The following OR2V2 variants were observed in gnomAD, a reference collection of about 807,000 sequenced individuals.
OR2V2 encodes olfactory receptor 2V2.
For synonymous variants in OR2V2, 161 were observed against 151.3 expected (o/e 1.06, Z -0.47); for missense variants, 392 against 392.2 (o/e 1.00, Z 0.00).
Position 181,156,326 on chromosome 5 carries a change from C to T in OR2V2, c.*436C>T, listed in dbSNP as rs1015668822. 2 of 158,528 alleles carry T rather than the reference C, an allele frequency of 1.3e-5. No homozygotes were observed. Among genetic ancestry groups the T allele is most frequent in the African/African-American group, 4.8e-5 (2 of 41,510 alleles). The allele number at this position is 158,528 out of a possible 1,614,324, so 9.8% of individuals were successfully genotyped here. On this transcript the variant is annotated 3_prime_UTR_variant, in exon 2 of 2. Coordinates refer to ENST00000641492, the MANE Select transcript of OR2V2 (RefSeq NM_206880.2). Reference sequence around the variant, plus strand: ...AGAGACAATGTTTTACTATGTTGCCCAGGCTGGTCTCGAACTCCTGGACTC... The same window carrying T: ...AGAGACAATGTTTTACTATGTTGCCTAGGCTGGTCTCGAACTCCTGGACTC...
At chr5:181,154,273 A>C (rs528825068) in intron 1 of OR2V2, among the ~76,000 whole-genome samples, 1 of 152,162 alleles carries the variant, frequency 6.6e-6, no homozygotes, top group Non-Finnish European at 1.5e-5. Flanking sequence ...ATTGTTTCCC[A>C]AGTCCATGTG....
intron 1 of OR2V2, among the ~76,000 whole-genome samples, chr5:181,154,493 G>A (rs1763230804): frequency 6.6e-6 from 1 of 152,074 alleles, no homozygotes; most frequent in Admixed American, 6.5e-5. Flanking sequence ...GGGAGGCTGA[G>A]GCAGGAGAAT....
intron 1 of OR2V2, among the ~76,000 whole-genome samples, chr5:181,153,608 G>A (rs1763219789): frequency 6.6e-6 from 1 of 151,744 alleles, no homozygotes; most frequent in African/African-American, 2.4e-5. Context: ...ATCCCAGGAG[G>A]CGGAGGTTGC....
intron 1 of OR2V2, among the ~76,000 whole-genome samples, chr5:181,151,178 T>G (rs1763186939): frequency 6.6e-6 from 1 of 151,982 alleles, no homozygotes; most frequent in African/African-American, 2.4e-5. Context: ...GGAAAGGCCC[T>G]AAGGTCAGAT....
rs1246917130 is a variant in OR2V2 at position 181,159,225 on chromosome 5, C to G, written c.*3335C>G. On this transcript the variant is annotated 3_prime_UTR_variant, in exon 2 of 2. Coordinates refer to ENST00000641492, the MANE Select transcript of OR2V2 (RefSeq NM_206880.2). ...GACCAGCCTGGGCAACATAGCGAAA[C>G]CCCATCTCTAGAACAATTAAAAATA... 6.6e-6 allele frequency: 1 copy of G among 152,228 alleles called. No individual in the cohort carries two copies. Among genetic ancestry groups the G allele is most frequent in the Non-Finnish European group, 1.5e-5 (1 of 68,062 alleles). 9.4% of individuals were successfully genotyped at this position (152,228 alleles called of 1,614,324 possible).
In OR2V2 at chr5:181,155,881, C is replaced by T; in HGVS notation, c.939C>T (p.Ser313=). ...GGCTGGACCGCTGCAGGATCGGCAG[C>T]CAGCACTGAACCCAGGGCATCCAGT... The part of the protein sequence containing the change: ...RKGLDRCRIG[S]QH Residue 313 remains serine, a synonymous_variant, in exon 2 of 2, where the codon AGC becomes AGT. Transcript: ENST00000641492. The T allele has an allele frequency of 6.2e-7, 1 of 1,612,246 alleles. No individual in the cohort carries two copies. The highest frequency in any genetic ancestry group is 8.5e-7 in the Non-Finnish European group (1 of 1,178,550).
rs748789897 is a variant in OR2V2 at position 181,156,042 on chromosome 5, CTT to C, written c.*154_*155del. ...GGTCTTTTTAAACACTACATCAGTT[CTT>C]TCTTTCTTTCTTTCTTTCTTTCTTT... On this transcript the variant is annotated 3_prime_UTR_variant, in exon 2 of 2. Coordinates refer to ENST00000641492, the MANE Select transcript of OR2V2 (RefSeq NM_206880.2). The C allele has an allele frequency of 2.7e-4, 126 of 468,814 alleles. No homozygotes were observed. Among genetic ancestry groups the C allele is most frequent in the Middle Eastern group, 3.4e-4 (1 of 2,934 alleles). The allele number at this position is 468,814 out of a possible 1,614,324, so 29.0% of individuals were successfully genotyped here.
intron 1 of OR2V2, among the ~76,000 whole-genome samples, chr5:181,150,143 T>C (rs1763175783): frequency 6.6e-6 from 1 of 152,194 alleles, no homozygotes; most frequent in African/African-American, 2.4e-5. Context: ...ACGTAGGTGT[T>C]GTTGCTGGCA....
At chr5:181,154,121 A>AT (rs920466132) in intron 1 of OR2V2, among the ~76,000 whole-genome samples, 1 of 152,214 alleles carries the variant, frequency 6.6e-6, no homozygotes, top group African/African-American at 2.4e-5. Context: ...TAGTCTGAAC[A>AT]TAATAGAGTG....
chr5:181,155,957 T>G lies in OR2V2; in HGVS notation c.*67T>G. 2 of 1,410,886 alleles carry G rather than the reference T, an allele frequency of 1.4e-6. No individual in the cohort carries two copies. The highest frequency in any genetic ancestry group is 1.9e-6 in the Non-Finnish European group (2 of 1,040,244). The allele number at this position is 1,410,886 out of a possible 1,614,324, so 87.4% of individuals were successfully genotyped here. On this transcript the variant is annotated 3_prime_UTR_variant, in exon 2 of 2. Coordinates refer to ENST00000641492, the MANE Select transcript of OR2V2 (RefSeq NM_206880.2). ...CAGGGATGTCGGGTTAATAATTCTC[T>G]CATTTTCAGTCTTGGTTTCCTCGTG...
At chr5:181,153,502 G>A (rs1763218489) in intron 1 of OR2V2, among the ~76,000 whole-genome samples, 1 of 152,008 alleles carries the variant, frequency 6.6e-6, no homozygotes, top group Admixed American at 6.6e-5. Flanking sequence ...GCTCGGGCAA[G>A]ATGGCAACAC....
chr5:181,152,402 G>T (rs1295978039), intron 1 of OR2V2, among the ~76,000 whole-genome samples: 1 of 152,076 alleles, frequency 6.6e-6, no homozygotes, highest in Non-Finnish European at 1.5e-5. Context: ...CTGACTCTTG[G>T]CTCACCAAAC....
At position 181,155,887 on chromosome 5, in the gene OR2V2, C is replaced by T; in HGVS notation, c.945C>T (p.His315=). ...ACCGCTGCAGGATCGGCAGCCAGCA[C>T]TGAACCCAGGGCATCCAGTGCCTGG... ...GLDRCRIGSQ[H] is the part of the protein sequence containing the mutation. Residue 315 remains histidine, a synonymous_variant, in exon 2 of 2, where the codon CAC becomes CAT. Coordinates refer to ENST00000641492, the MANE Select transcript of OR2V2 (RefSeq NM_206880.2). 6.2e-7 allele frequency: 1 copy of T among 1,610,248 alleles called. No homozygotes were observed. The highest frequency in any genetic ancestry group is 1.7e-4 in the Middle Eastern group (1 of 6,050).
intron 1 of OR2V2, among the ~76,000 whole-genome samples, chr5:181,150,969 G>A (rs1460265851): frequency 6.6e-5 from 10 of 152,172 alleles, no homozygotes; most frequent in Middle Eastern, 3.4e-3. Flanking sequence ...ACCCTGTCTC[G>A]ACAACAGGAA....
Position 181,158,333 on chromosome 5 carries a change from A to ATG in OR2V2, c.*2446_*2447dup, listed in dbSNP as rs1763292460. ...AGAAAATAATATAGAGAGGAAATAC[A>ATG]TGTGGGGGGGGGGCAGGTGCGGTGG... is the stretch of plus-strand genomic sequence containing the variant. On this transcript the variant is annotated 3_prime_UTR_variant, in exon 2 of 2. Coordinates refer to ENST00000641492, the MANE Select transcript of OR2V2 (RefSeq NM_206880.2). The ATG allele has an allele frequency of 1.2e-5, 1 of 81,370 alleles. No individual in the cohort carries two copies. The highest frequency in any genetic ancestry group is 5.7e-5 in the African/African-American group (1 of 17,444). The allele number at this position is 81,370 out of a possible 1,614,324, so 5.0% of individuals were successfully genotyped here. A position where few individuals can be genotyped will look rare whatever the true frequency, so the allele number is the denominator to read the frequency against.
intron 1 of OR2V2, among the ~76,000 whole-genome samples, chr5:181,152,960 A>G (rs1244477882): frequency 2.6e-5 from 4 of 152,240 alleles, no homozygotes; most frequent in Non-Finnish European, 4.4e-5. Flanking sequence ...GCTATTTGTT[A>G]CAAAGCAGTA....
At chr5:181,152,052 G>C (rs946010220) in intron 1 of OR2V2, among the ~76,000 whole-genome samples, 1 of 151,892 alleles carries the variant, frequency 6.6e-6, no homozygotes, top group Non-Finnish European at 1.5e-5. Flanking sequence ...AGAAGAGGCG[G>C]GGCTCTAGTG....
rs1763302293 is a variant in OR2V2 at position 181,159,205 on chromosome 5, G to C, written c.*3315G>C. On this transcript the variant is annotated 3_prime_UTR_variant, in exon 2 of 2. Transcript: ENST00000641492. ...ACTTGAGCCCAGGAGTTTGAGACCA[G>C]CCTGGGCAACATAGCGAAACCCCAT... 1 of 152,234 alleles carries C rather than the reference G, an allele frequency of 6.6e-6. No individual in the cohort carries two copies. The highest frequency in any genetic ancestry group is 2.4e-5 in the African/African-American group (1 of 41,440). The allele number at this position is 152,234 out of a possible 1,614,324, so 9.4% of individuals were successfully genotyped here.
intron 1 of OR2V2, among the ~76,000 whole-genome samples, chr5:181,149,905 T>C (rs1763172042): frequency 6.6e-6 from 1 of 151,996 alleles, no homozygotes; most frequent in African/African-American, 2.4e-5. Flanking sequence ...AGAGAGAGAA[T>C]CAGAAATAGA....
Sources: allele counts gnomAD v4.1 joint callset (sites outside exome capture counted in the v4.1 genomes callset), GRCh38; gene constraint gnomAD v4.1.1; transcripts MANE v1.5; gene names NCBI Gene and HGNC (gene_info 2026-07-23, HGNC 2026-07-21).